The following AKAP6 variants were observed in gnomAD, a reference collection of about 807,000 sequenced individuals.
AKAP6 encodes A-kinase anchor protein 6.
A neutral mutation model predicts 188.5 loss-of-function variants in AKAP6; 58 were observed. The ratio of observed to expected loss-of-function variants is 0.31; its 90% CI spans 0.25 to 0.38. The LOEUF (loss-of-function observed/expected upper bound fraction) is 0.38. Among genes scored for constraint, AKAP6 ranks in the 10% least tolerant of loss-of-function variants. The pLI is 1.00. For missense variants in AKAP6, 2,710 were observed against 2,740.0 expected, an observed-to-expected ratio of 0.99 and a Z score of 0.24; for synonymous variants, 989 against 998.6, an observed-to-expected ratio of 0.99 and a Z score of 0.18.
At chr14:32,510,376 A>G (rs866611297) in intron 2 of AKAP6, among the ~76,000 whole-genome samples, 2 of 63,316 alleles carry the variant, frequency 3.2e-5, no homozygotes, top group South Asian at 3.0e-4. Context: ...GTGTATATAT[A>G]TGTGTATATA....
intron 11 of AKAP6, among the ~76,000 whole-genome samples, chr14:32,737,350 T>A (rs904760415): frequency 1.3e-5 from 2 of 152,170 alleles, no homozygotes; most frequent in African/African-American, 4.8e-5. Flanking sequence ...CTCTTAGTGT[T>A]TGGTATATGA....
chr14:32,551,358 G>A (rs1343148681), intron 4 of AKAP6, among the ~76,000 whole-genome samples: 1 of 151,946 alleles, frequency 6.6e-6, no homozygotes, highest in East Asian at 2.0e-4. Flanking sequence ...GATCACTTGA[G>A]GTCAGGAGTT....
chr14:32,581,299 C>T (rs1356637094), intron 5 of AKAP6, among the ~76,000 whole-genome samples: 12 of 152,094 alleles, frequency 7.9e-5, no homozygotes, highest in Non-Finnish European at 1.2e-4. Flanking sequence ...TGTAGTTGAG[C>T]GGTTTTGAGT....
chr14:32,394,241 C>G (rs1189528039), intron 1 of AKAP6, among the ~76,000 whole-genome samples: 2 of 152,046 alleles, frequency 1.3e-5, no homozygotes, highest in African/African-American at 4.8e-5. Flanking sequence ...CTACCATCAT[C>G]AAAAAAATTG....
At chr14:32,592,702 G>A (rs1057253058) in intron 5 of AKAP6, among the ~76,000 whole-genome samples, 6 of 152,096 alleles carry the variant, frequency 3.9e-5, no homozygotes, top group Admixed American at 3.9e-4. Flanking sequence ...AGGTCATTTT[G>A]TATAATAAAG....
intron 1 of AKAP6, among the ~76,000 whole-genome samples, chr14:32,418,737 C>A (rs574620793): frequency 1.3e-5 from 2 of 152,154 alleles, no homozygotes; most frequent in South Asian, 2.1e-4. Context: ...TCTTACTCAG[C>A]GGTTCTCATT....
At chr14:32,709,621 A>T (rs1044452668) in intron 9 of AKAP6, among the ~76,000 whole-genome samples, 3 of 152,062 alleles carry the variant, frequency 2.0e-5, no homozygotes, top group Non-Finnish European at 4.4e-5. Context: ...GATTGTTTTT[A>T]TCCATTCCAT....
rs1036181016 is a variant in AKAP6 at position 32,445,207 on chromosome 14, C to G, written c.324+11390C>G. On this transcript the variant is annotated intron_variant, in intron 2 of 13. Transcript: ENST00000280979. ...AGCCATGCTCATTCAGAAATTCATA[C>G]CTTGGAATATGGTTTCTTCTCTGTC... Among the ~76,000 whole-genome samples, 5 of 152,126 alleles carry G rather than the reference C, an allele frequency of 3.3e-5. No homozygotes were observed. In the East Asian group the frequency reaches 9.6e-4, roughly 29 times the overall value.
At chr14:32,427,876 G>A (rs1393695494) in intron 1 of AKAP6, among the ~76,000 whole-genome samples, 2 of 152,202 alleles carry the variant, frequency 1.3e-5, no homozygotes, top group Non-Finnish European at 2.9e-5. Flanking sequence ...TCTGTAATAA[G>A]TGCTATGTAG....
chr14:32,625,669 T>A (rs1167885161), intron 7 of AKAP6, among the ~76,000 whole-genome samples: 1 of 152,044 alleles, frequency 6.6e-6, no homozygotes, highest in African/African-American at 2.4e-5. Flanking sequence ...AAAACCCTTC[T>A]TACTCCATTT....
chr14:32,424,946 T>G (rs1261408775), intron 1 of AKAP6, among the ~76,000 whole-genome samples: 1 of 152,234 alleles, frequency 6.6e-6, no homozygotes, highest in Non-Finnish European at 1.5e-5. Flanking sequence ...CTATTGTGAA[T>G]AGTGCTGCAA....
intron 12 of AKAP6, among the ~76,000 whole-genome samples, chr14:32,803,024 G>A (rs1465138665): frequency 6.6e-6 from 1 of 152,154 alleles, no homozygotes; most frequent in Non-Finnish European, 1.5e-5. Flanking sequence ...CTTGAACTCG[G>A]GAGGCAGAGG....
At chr14:32,548,233 C>A (rs1883286156) in intron 4 of AKAP6, among the ~76,000 whole-genome samples, 1 of 151,744 alleles carries the variant, frequency 6.6e-6, no homozygotes, top group Non-Finnish European at 1.5e-5. Flanking sequence ...TCTCGTGTAG[C>A]TGGGATTATA....
At chr14:32,737,201 C>T (rs2031468529) in intron 11 of AKAP6, among the ~76,000 whole-genome samples, 1 of 152,018 alleles carries the variant, frequency 6.6e-6, no homozygotes, top group South Asian at 2.1e-4. Flanking sequence ...CTAAAGTTGA[C>T]CTTGAGGAGT....
At chr14:32,410,522 A>C (rs1889447057) in intron 1 of AKAP6, among the ~76,000 whole-genome samples, 1 of 152,304 alleles carries the variant, frequency 6.6e-6, no homozygotes, top group Admixed American at 6.5e-5. Context: ...CCTCAGGCAC[A>C]TGTTCTCAGG....
intron 2 of AKAP6, among the ~76,000 whole-genome samples, chr14:32,441,018 G>A (rs1268392830): frequency 6.6e-6 from 1 of 152,132 alleles, no homozygotes; most frequent in Non-Finnish European, 1.5e-5. Flanking sequence ...AGGGAGCTAC[G>A]GCAGCAACAA....
At chr14:32,505,728 T>C (rs1193484353) in intron 2 of AKAP6, among the ~76,000 whole-genome samples, 1 of 152,206 alleles carries the variant, frequency 6.6e-6, no homozygotes, top group Non-Finnish European at 1.5e-5. Flanking sequence ...TTCTACTTAG[T>C]TAAGAAGTCA....
intron 2 of AKAP6, among the ~76,000 whole-genome samples, chr14:32,517,228 A>C (rs1353426877): frequency 1.3e-5 from 2 of 152,218 alleles, no homozygotes; most frequent in Admixed American, 6.5e-5. Context: ...GTATGAGCAA[A>C]TAGTTGATAA....
At chr14:32,411,924 C>A (rs963338836) in intron 1 of AKAP6, among the ~76,000 whole-genome samples, 3 of 150,780 alleles carry the variant, frequency 2.0e-5, no homozygotes, top group African/African-American at 7.3e-5. Flanking sequence ...ATATGTTTTC[C>A]GTAATGATAG....
Sources: gnomAD v4.1 joint callset for allele counts (sites outside exome capture counted in the v4.1 genomes callset) on GRCh38, gnomAD v4.1.1 for gene constraint, MANE v1.5 for transcripts, NCBI Gene and HGNC (gene_info 2026-07-23, HGNC 2026-07-21) for gene names.